Variants in RGS10 observed in about 807,000 individuals in gnomAD.
RGS10 encodes regulator of G-protein signalling 10.
Under a neutral mutation model 23.5 loss-of-function variants are expected in RGS10, and 11 were observed. That is an observed-to-expected ratio of 0.47 (90% CI 0.29 to 0.77). The LOEUF is 0.77. Ranked by LOEUF, RGS10 falls within the 30% of genes least tolerant of loss-of-function variation. RGS10 has a pLI of 0.08. For missense variants in RGS10, 180 were observed against 226.3 expected, an observed-to-expected ratio of 0.80 and a Z score of 1.31; for synonymous variants, 77 against 83.2, an observed-to-expected ratio of 0.92 and a Z score of 0.41.
intron 1 of RGS10, among the ~76,000 whole-genome samples, chr10:119,541,752 A>C (rs966883006): frequency 4.6e-5 from 7 of 152,152 alleles, no homozygotes; most frequent in Non-Finnish European, 8.8e-5. Context: ...TGACTGGGGC[A>C]AGTTACCTAA....
intron 4 of RGS10, among the ~76,000 whole-genome samples, chr10:119,505,023 C>T (rs1055088992): frequency 1.4e-4 from 22 of 152,268 alleles, no homozygotes; most frequent in Admixed American, 4.6e-4. Flanking sequence ...CACCTCACCC[C>T]GGCTCAAACA....
chr10:119,525,179 C>T (rs149460408), intron 3 of RGS10, among the ~76,000 whole-genome samples: 1 of 152,218 alleles, frequency 6.6e-6, no homozygotes, highest in African/African-American at 2.4e-5. Context: ...ATAAGACATG[C>T]CTTGGGAAGA....
intron 1 of RGS10, among the ~76,000 whole-genome samples, chr10:119,537,382 CAAAAA>C (rs56219523): frequency 3.0e-5 from 4 of 131,374 alleles, no homozygotes; most frequent in African/African-American, 5.8e-5. Context: ...AACTCCGTCT[CAAAAA>C]AAAAAAAAAG....
chr10:119,519,545 C>T (rs1844188113), intron 3 of RGS10, among the ~76,000 whole-genome samples: 1 of 120,828 alleles, frequency 8.3e-6, no homozygotes, highest in Non-Finnish European at 1.7e-5. Flanking sequence ...CCCTGTCTGT[C>T]CCCCAGCTCC....
At position 119,524,689 on chromosome 10, in the gene RGS10, C is replaced by G. The variant is rs1444008071; in HGVS notation, c.255+1343G>C. Reference sequence around the variant, plus strand: ...ACTTTCCCCTGGGGCCCCTCTCTGCCCAGGAGGCTCCGGCCAACGTCATCC... The same window carrying G: ...ACTTTCCCCTGGGGCCCCTCTCTGCGCAGGAGGCTCCGGCCAACGTCATCC... On this transcript the variant is annotated intron_variant, in intron 3 of 4. Transcript: ENST00000369103. The surrounding 1 kb of genome is among the most constrained non-coding windows in gnomAD (Gnocchi z 5.2). Among the ~76,000 whole-genome samples, 2 of 152,124 alleles carry G rather than the reference C, an allele frequency of 1.3e-5. No individual in the cohort carries two copies. Among genetic ancestry groups the G allele is most frequent in the African/African-American group, 2.4e-5 (1 of 41,426 alleles).
At chr10:119,515,841 AC>A (rs1326983229) in intron 3 of RGS10, among the ~76,000 whole-genome samples, 189 bp from the exon 4 acceptor site, 1 of 152,084 alleles carries the variant, frequency 6.6e-6, no homozygotes, top group Non-Finnish European at 1.5e-5. Context: ...CCAAGCCCCT[AC>A]CCCCGCCCCT....
chr10:119,513,333 ACC>A (rs1844099130), intron 4 of RGS10, among the ~76,000 whole-genome samples: 1 of 152,040 alleles, frequency 6.6e-6, no homozygotes, highest in African/African-American at 2.4e-5. Context: ...GGTGGCACAC[ACC>A]TGTAGTCTCA....
intron 4 of RGS10, 163 bp downstream of exon 4, chr10:119,515,345 TG>T: frequency 1.3e-6 from 1 of 756,794 alleles, no homozygotes; most frequent in Non-Finnish European, 2.1e-6. Context: ...CTTAGAATTC[TG>T]GTCCCCACTC....
intron 4 of RGS10, among the ~76,000 whole-genome samples, chr10:119,504,223 T>C (rs1843984872): frequency 6.6e-6 from 1 of 152,258 alleles, no homozygotes; most frequent in African/African-American, 2.4e-5. Flanking sequence ...GGAGTCCCAC[T>C]CTGTCACCCA....
chr10:119,537,382 C>CAA (rs56219523), intron 1 of RGS10, among the ~76,000 whole-genome samples: 108,219 of 130,978 alleles, frequency 0.83, 44,777 homozygotes, highest in Middle Eastern at 0.91. Context: ...AACTCCGTCT[C>CAA]AAAAAAAAAA....
At chr10:119,516,439 C>G (rs1036016833) in intron 3 of RGS10, 3 of 152,302 alleles carry the variant, frequency 2.0e-5, no homozygotes, top group African/African-American at 7.2e-5. Context: ...GGAGAGGTGG[C>G]ATGGCTTATC....
chr10:119,508,784 A>C (rs1844043932), intron 4 of RGS10, among the ~76,000 whole-genome samples: 1 of 152,206 alleles, frequency 6.6e-6, no homozygotes, highest in Non-Finnish European at 1.5e-5. Flanking sequence ...ATAAGCATGT[A>C]CTAATTCAAT....
chr10:119,539,137 C>T (rs1382370595), intron 1 of RGS10, among the ~76,000 whole-genome samples: 3 of 152,200 alleles, frequency 2.0e-5, no homozygotes, highest in African/African-American at 7.2e-5. Flanking sequence ...GCTGACCACA[C>T]CTATAGAAAA....
In RGS10 at chr10:119,515,631, T is replaced by G; in HGVS notation, c.277A>C (p.Ile93Leu). The G allele has an allele frequency of 6.2e-7, 1 of 1,614,064 alleles. No homozygotes were observed. The highest frequency in any genetic ancestry group is 8.5e-7 in the Non-Finnish European group (1 of 1,180,014). Residue 93 changes from isoleucine to leucine, a missense_variant, in exon 4 of 5, where the codon ATC becomes CTC. By Grantham distance (5) the Ile-to-Leu change is conservative. Coordinates refer to ENST00000369103, the MANE Select transcript of RGS10 (RefSeq NM_001005339.2). Reference protein sequence around the residue: ...KTQMQEKAKEIYMTFLSSKAS... With the variant: ...KTQMQEKAKELYMTFLSSKAS... Reference sequence around the variant, plus strand: ...TTGCTGGACAGAAAGGTCATGTAGATCTCCTTTGCCTTTTCCTGCATCTGG... The same window carrying G: ...TTGCTGGACAGAAAGGTCATGTAGAGCTCCTTTGCCTTTTCCTGCATCTGG...
chr10:119,500,885 G>A (rs1843945412), intron 4 of RGS10, among the ~76,000 whole-genome samples: 1 of 152,074 alleles, frequency 6.6e-6, no homozygotes, highest in Non-Finnish European at 1.5e-5. Flanking sequence ...GACAGGCTGG[G>A]GAGCACATCC....
chr10:119,502,783 G>T (rs899090780), intron 4 of RGS10, among the ~76,000 whole-genome samples: 5 of 152,170 alleles, frequency 3.3e-5, no homozygotes, highest in Non-Finnish European at 7.4e-5. Context: ...AATGCCCCAC[G>T]AGTGCAGAAG....
chr10:119,517,975 G>A lies in RGS10; in HGVS notation c.256-2323C>T, dbSNP rs953248222. Among the ~76,000 whole-genome samples, 1 of 152,210 alleles carries A rather than the reference G, an allele frequency of 6.6e-6. No individual in the cohort carries two copies. On this transcript the variant is annotated intron_variant, in intron 3 of 4. Transcript: ENST00000369103. The surrounding 1 kb of genome is among the most constrained non-coding windows in gnomAD (Gnocchi z 5.0). ...CTGCAGGGCTCAGCTTATCTCGGCG[G>A]AGCTAGGAAGTATGACTGAAAAGGG...
chr10:119,518,670 C>T (rs527495017), intron 3 of RGS10, among the ~76,000 whole-genome samples: 1 of 151,950 alleles, frequency 6.6e-6, no homozygotes, highest in South Asian at 2.1e-4. Context: ...GACCCCACAG[C>T]TCTCTACATG....
At chr10:119,504,458 G>A (rs944297966) in intron 4 of RGS10, among the ~76,000 whole-genome samples, 2 of 152,212 alleles carry the variant, frequency 1.3e-5, no homozygotes, top group Non-Finnish European at 2.9e-5. Context: ...TTACAGGCAT[G>A]AGCCACCACG....
Sources: allele counts gnomAD v4.1 joint callset (sites outside exome capture counted in the v4.1 genomes callset), GRCh38; gene constraint gnomAD v4.1.1; non-coding constraint Gnocchi (gnomAD v3.1); transcripts MANE v1.5; gene names NCBI Gene and HGNC (gene_info 2026-07-23, HGNC 2026-07-21).